The following VWA8 variants were observed in gnomAD, a reference collection of about 807,000 sequenced individuals.
VWA8 encodes the protein von Willebrand factor A domain-containing protein 8.
A neutral mutation model predicts 241.5 loss-of-function variants in VWA8; 221 were observed. The observed-to-expected ratio is 0.91, with a 90% confidence interval of 0.82 to 1.02. The LOEUF (loss-of-function observed/expected upper bound fraction) is 1.02, where lower values mean the gene tolerates loss of function less well. VWA8 is among the 50% of genes least tolerant of loss of function. The pLI is 0.00. For missense variants in VWA8, 2,322 were observed against 2,328.7 expected, an observed-to-expected ratio of 1.00 and a Z score of 0.06; for synonymous variants, 852 against 827.1, an observed-to-expected ratio of 1.03 and a Z score of -0.52.
intron 21 of VWA8, among the ~76,000 whole-genome samples, chr13:41,749,599 C>G (rs2045638130): frequency 6.6e-6 from 1 of 152,086 alleles, no homozygotes; most frequent in African/African-American, 2.4e-5. Context: ...AGACTTGGAA[C>G]CAACCCAAAT....
rs545273749 is a variant in VWA8, at chr13:41,841,568, C to T, written c.1426-8037G>A. Among the ~76,000 whole-genome samples, 946 of 150,828 alleles carry T rather than the reference C, an allele frequency of 6.3e-3. 7 individuals are homozygous for T. The highest frequency in any genetic ancestry group is 0.022 in the African/African-American group (892 of 41,108). On this transcript the variant is annotated intron_variant, in intron 12 of 44. Coordinates refer to ENST00000379310, the MANE Select transcript of VWA8 (RefSeq NM_015058.2). ...TTGGGAGGCCGAGGCAGGTGGATCA[C>T]GAGGTCAGGAGATCGAGACCATCCT... is the stretch of plus-strand genomic sequence containing the variant.
chr13:41,725,653 CAT>C (rs2045427065), intron 24 of VWA8, among the ~76,000 whole-genome samples: 1 of 152,056 alleles, frequency 6.6e-6, no homozygotes, highest in Non-Finnish European at 1.5e-5. Flanking sequence ...GCAGATGGCA[CAT>C]ATGTTTTAGG....
At chr13:41,781,461 A>T (rs1011119611) in intron 19 of VWA8, among the ~76,000 whole-genome samples, 1 of 152,108 alleles carries the variant, frequency 6.6e-6, no homozygotes, top group Admixed American at 6.5e-5. Flanking sequence ...TAAACTGCAC[A>T]TACTTCCACC....
chr13:41,868,209 G>T, intron 10 of VWA8, 137 bp downstream of exon 10: 1 of 932,888 alleles, frequency 1.1e-6, no homozygotes, highest in Non-Finnish European at 1.6e-6. Context: ...TGACTCTGGA[G>T]ACATAGACAT....
chr13:41,787,418 A>G lies in VWA8; in HGVS notation c.2170+19T>C, dbSNP rs760801502. The G allele has an allele frequency of 7.8e-6, 12 of 1,542,240 alleles. No homozygotes were observed. Among genetic ancestry groups the G allele is most frequent in the Non-Finnish European group, 1.1e-5 (12 of 1,117,338 alleles). ...AATTATTATTTCACTTAAAAAAAAGAGCCAAATCAAATACTTACATTTGTA... is the reference window on the plus strand; with the variant it reads ...AATTATTATTTCACTTAAAAAAAAGGGCCAAATCAAATACTTACATTTGTA... On this transcript the variant is annotated intron_variant, in intron 18 of 44. Coordinates refer to ENST00000379310, the MANE Select transcript of VWA8 (RefSeq NM_015058.2).
At position 41,736,286 on chromosome 13, in the gene VWA8, G is replaced by A. The variant is rs559261109; in HGVS notation, c.2427-4131C>T. 3.9e-5 allele frequency among the ~76,000 whole-genome samples: 6 copies of A among 152,234 alleles called. 1 individual carries two copies. Among genetic ancestry groups the A allele is most frequent in the African/African-American group, 7.2e-5 (3 of 41,540 alleles). On this transcript the variant is annotated intron_variant, in intron 21 of 44. Transcript: ENST00000379310. ...AACTAAAGCCTGTGTCAATAAAGGCGCTGCTCAAAGAAATATTGTACTAAA... is the reference window on the plus strand; with the variant it reads ...AACTAAAGCCTGTGTCAATAAAGGCACTGCTCAAAGAAATATTGTACTAAA...
At chr13:41,862,748 T>C (rs1039927728) in intron 12 of VWA8, among the ~76,000 whole-genome samples, 13 of 152,170 alleles carry the variant, frequency 8.5e-5, no homozygotes, top group Admixed American at 6.5e-4. Flanking sequence ...CCAGTCAGAA[T>C]GGCTATTATT....
chr13:41,825,559 C>G (rs978764266), intron 14 of VWA8, among the ~76,000 whole-genome samples: 3 of 152,018 alleles, frequency 2.0e-5, no homozygotes, highest in African/African-American at 7.3e-5. Flanking sequence ...GCAAGTGATA[C>G]CCCCCGAGCA....
intron 39 of VWA8, among the ~76,000 whole-genome samples, chr13:41,609,645 C>T (rs2044574691): frequency 1.3e-5 from 2 of 152,102 alleles, no homozygotes; most frequent in African/African-American, 4.8e-5. Context: ...GGATGAAAGT[C>T]CCATTTCTAC....
At chr13:41,958,976 T>C (rs1297244463) in intron 1 of VWA8, among the ~76,000 whole-genome samples, 1 of 152,186 alleles carries the variant, frequency 6.6e-6, no homozygotes, top group Non-Finnish European at 1.5e-5. Context: ...ACATGTATTA[T>C]CCATGTACAA....
intron 28 of VWA8, 137 bp from the exon 29 acceptor site, chr13:41,699,407 G>A: frequency 1.2e-6 from 1 of 802,860 alleles, no homozygotes; most frequent in South Asian, 1.7e-5. Context: ...ATCATGGCTT[G>A]ATTAGGCTGA....
At chr13:41,729,798 G>GACACACACACACACACACACAC in intron 22 of VWA8, 121 bp from the exon 23 acceptor site, 1 of 443,766 alleles carries the variant, frequency 2.3e-6, no homozygotes, top group Non-Finnish European at 4.0e-6. Flanking sequence ...TATACACGTA[G>GACACACACACACACACACACAC]ACACACACAC....
chr13:41,727,367 A>C (rs2045445241), intron 23 of VWA8, 54 bp from the exon 24 acceptor site: 1 of 1,156,886 alleles, frequency 8.6e-7, no homozygotes, highest in African/African-American at 1.6e-5. Flanking sequence ...TCTTAAAAAT[A>C]TCAAGCAACA....
intron 17 of VWA8, among the ~76,000 whole-genome samples, chr13:41,805,975 A>C (rs1198849199): frequency 6.6e-6 from 1 of 150,640 alleles, no homozygotes; most frequent in Non-Finnish European, 1.5e-5. Flanking sequence ...ATTAGGCCAC[A>C]AAACAAGTCT....
intron 26 of VWA8, among the ~76,000 whole-genome samples, chr13:41,718,487 A>C (rs961733289): frequency 1.3e-5 from 2 of 151,946 alleles, no homozygotes; most frequent in Non-Finnish European, 2.9e-5. Context: ...AAAATAATTT[A>C]CTTATTCATT....
At chr13:41,915,637 A>G (rs1457859296) in intron 2 of VWA8, among the ~76,000 whole-genome samples, 1 of 152,170 alleles carries the variant, frequency 6.6e-6, no homozygotes, top group Admixed American at 6.5e-5. Flanking sequence ...GTTTCTCTCT[A>G]TTTCCTTTAC....
At chr13:41,766,966 A>G (rs2045783362) in intron 20 of VWA8, among the ~76,000 whole-genome samples, 1 of 152,212 alleles carries the variant, frequency 6.6e-6, no homozygotes, top group South Asian at 2.1e-4. Flanking sequence ...GAGAACAGTG[A>G]GGAAGCAAAT....
At chr13:41,612,264 G>A (rs2139661318) in intron 38 of VWA8, among the ~76,000 whole-genome samples, 1 of 152,234 alleles carries the variant, frequency 6.6e-6, no homozygotes, top group East Asian at 1.9e-4. Flanking sequence ...GCACAGAGAG[G>A]CTAAATGACA....
At chr13:41,694,049 A>G (rs2045197746) in intron 29 of VWA8, among the ~76,000 whole-genome samples, 1 of 151,964 alleles carries the variant, frequency 6.6e-6, no homozygotes, top group South Asian at 2.1e-4. Flanking sequence ...AAAAATATAG[A>G]AAACAATAAA....
Sources: gnomAD v4.1 joint callset for allele counts (sites outside exome capture counted in the v4.1 genomes callset) on GRCh38, gnomAD v4.1.1 for gene constraint, MANE v1.5 for transcripts, NCBI Gene and HGNC (gene_info 2026-07-23, HGNC 2026-07-21) for gene names.